The following COG7 variants were observed in gnomAD, a reference collection of about 807,000 sequenced individuals.
COG7 encodes the protein conserved oligomeric Golgi complex subunit 7.
A neutral mutation model predicts 91.5 loss-of-function variants in COG7; 49 were observed. The ratio of observed to expected loss-of-function variants is 0.54; its 90% confidence interval spans 0.43 to 0.68. The LOEUF (loss-of-function observed/expected upper bound fraction) is 0.68. Among genes scored for constraint, COG7 ranks in the 30% least tolerant of loss-of-function variants. The pLI, the probability that COG7 is intolerant of heterozygous loss-of-function variation, is 0.00. For missense variants in COG7, 895 were observed against 961.3 expected (o/e 0.93, Z 0.91); for synonymous variants, 365 against 388.7 (o/e 0.94, Z 0.72).
chr16:23,446,320 C>T (rs1251261526), intron 1 of COG7: 6 of 337,034 alleles, frequency 1.8e-5, no homozygotes, highest in South Asian at 8.9e-5. Flanking sequence ...ATGTCCACGG[C>T]GGTCATTAGC....
At chr16:23,447,851 G>T (rs1964206370) in intron 1 of COG7, among the ~76,000 whole-genome samples, 1 of 151,858 alleles carries the variant, frequency 6.6e-6, no homozygotes, top group African/African-American at 2.4e-5. Context: ...AGTGAGTTGA[G>T]ATTACACCAC....
rs373760878 is a variant in COG7, at chr16:23,410,719, T to G, written c.1410-359A>C. On this transcript the variant is annotated intron_variant, in intron 10 of 16. Coordinates refer to ENST00000307149, the MANE Select transcript of COG7 (RefSeq NM_153603.4). ...AATTTATTATTTATTTATTTATTTA[T>G]TTTTGCAACTAAGTCTCGCTCTGTC... 5.9e-5 allele frequency among the ~76,000 whole-genome samples: 9 copies of G among 152,276 alleles called. No individual in the cohort carries two copies. The East Asian group carries it at 1.5e-3, about 26-fold the overall frequency.
intron 6 of COG7, among the ~76,000 whole-genome samples, chr16:23,430,227 A>C (rs924295339): frequency 3.3e-5 from 5 of 152,082 alleles, no homozygotes; most frequent in Non-Finnish European, 7.4e-5. Flanking sequence ...CCAGGAGTTC[A>C]AGACCAGCTT....
intron 9 of COG7, 62 bp downstream of exon 9, chr16:23,416,905 T>G: frequency 6.2e-7 from 1 of 1,604,502 alleles, no homozygotes; most frequent in Non-Finnish European, 8.5e-7. Context: ...ACACGTGCAT[T>G]TTTATCTGGG....
chr16:23,423,829 T>C (rs1380404279), intron 7 of COG7, among the ~76,000 whole-genome samples: 1 of 152,218 alleles, frequency 6.6e-6, no homozygotes, highest in Non-Finnish European at 1.5e-5. Flanking sequence ...TTTATAAAGC[T>C]TTTAACATAG....
chr16:23,406,518 TA>T (rs1255589753), intron 11 of COG7, among the ~76,000 whole-genome samples: 3 of 152,168 alleles, frequency 2.0e-5, no homozygotes, highest in Non-Finnish European at 1.5e-5. Context: ...ATCTCCCTAA[TA>T]TGACCGACAG....
chr16:23,431,838 C>T (rs890281536), intron 6 of COG7, among the ~76,000 whole-genome samples: 6 of 143,320 alleles, frequency 4.2e-5, no homozygotes, highest in Non-Finnish European at 3.0e-5. Context: ...AAGAAATATT[C>T]TTCTTAAGAA....
chr16:23,435,643 A>G (rs1425449105), intron 4 of COG7, among the ~76,000 whole-genome samples: 2 of 149,376 alleles, frequency 1.3e-5, no homozygotes, highest in East Asian at 3.9e-4. Flanking sequence ...GCCAAAATGT[A>G]CATGCCACAG....
intron 8 of COG7, 74 bp downstream of exon 8, chr16:23,418,626 C>A: frequency 3.5e-6 from 5 of 1,448,174 alleles, no homozygotes; most frequent in Non-Finnish European, 4.8e-6. Context: ...CAACCCCCAG[C>A]CCTCTCCCAG....
At chr16:23,400,872 A>G (rs1963363688) in intron 13 of COG7, among the ~76,000 whole-genome samples, 2 of 150,970 alleles carry the variant, frequency 1.3e-5, no homozygotes, top group Middle Eastern at 3.2e-3. Flanking sequence ...TGGGAGGCTG[A>G]GGCATGAGAA....
intron 9 of COG7, chr16:23,415,976 T>C (rs896403686): frequency 6.6e-6 from 1 of 152,220 alleles, no homozygotes; most frequent in Non-Finnish European, 1.5e-5. Flanking sequence ...GTTTTCCAGA[T>C]ATACTTTTGT....
At chr16:23,392,147 G>A (rs181577745) in intron 16 of COG7, 440 of 1,412,960 alleles carry the variant, frequency 3.1e-4, no homozygotes, top group Admixed American at 1.4e-3. Flanking sequence ...TCCCCTCAAC[G>A]GTTCTCAAGT....
intron 14 of COG7, chr16:23,393,609 T>C (rs1211523016): frequency 4.0e-6 from 2 of 496,356 alleles, no homozygotes; most frequent in Admixed American, 3.4e-5. Context: ...ACAATCTCTA[T>C]CTCCAATGAA....
At chr16:23,439,265 C>T (rs948331973) in intron 4 of COG7, among the ~76,000 whole-genome samples, 7 of 140,304 alleles carry the variant, frequency 5.0e-5, no homozygotes, top group Admixed American at 3.0e-4. Context: ...GATCATGCCA[C>T]TGCACTCCAG....
At chr16:23,403,635 G>C in intron 13 of COG7, 59 bp downstream of exon 13, 1 of 1,593,072 alleles carries the variant, frequency 6.3e-7, no homozygotes, top group Non-Finnish European at 8.6e-7. Flanking sequence ...CCCACACTCA[G>C]TATGCTTGAG....
In COG7 at chr16:23,445,857, C is replaced by G. The variant is rs767698711; in HGVS notation, c.274G>C (p.Glu92Gln). Residue 92 changes from glutamate (E) to glutamine (Q), a missense_variant, in exon 2 of 17, where the codon GAG becomes CAG. By Grantham distance (29) the Glu-to-Gln change is conservative. Coordinates refer to ENST00000307149, the MANE Select transcript of COG7 (RefSeq NM_153603.4). ...FLKEQMILVK[E>Q]DIKKFEQDTS... ...TCCTGTTCAAATTTTTTAATGTCCT[C>G]CTTGACAAGAATCATCTGTTCTTTC... 1.9e-6 allele frequency: 3 copies of G among 1,613,934 alleles called. No individual in the cohort carries two copies. The South Asian group carries it at 3.3e-5, about 18-fold the overall frequency.
intron 1 of COG7, among the ~76,000 whole-genome samples, chr16:23,448,114 C>T (rs1380321638): frequency 6.6e-6 from 1 of 152,022 alleles, no homozygotes; most frequent in Admixed American, 6.6e-5. Flanking sequence ...GCTACAATCA[C>T]CCTTCCTCAT....
chr16:23,416,027 T>A (rs1392172230), intron 9 of COG7: 3 of 152,180 alleles, frequency 2.0e-5, no homozygotes, highest in Non-Finnish European at 4.4e-5. Flanking sequence ...TATTTTGATT[T>A]TTTTTTATTT....
chr16:23,389,428 TACACACACTCACATGC>T (rs1391325548), intron 16 of COG7, among the ~76,000 whole-genome samples: 3 of 150,458 alleles, frequency 2.0e-5, no homozygotes, highest in Non-Finnish European at 3.0e-5. Context: ...CACTCACATG[TACACACACTCACATGC>T]ACACACTCTC....
Sources: allele counts gnomAD v4.1 joint callset (sites outside exome capture counted in the v4.1 genomes callset), GRCh38; gene constraint gnomAD v4.1.1; transcripts MANE v1.5; gene names NCBI Gene and HGNC (gene_info 2026-07-23, HGNC 2026-07-21).